CYTH4: variants seen among roughly 807,000 people sequenced by gnomAD.
The protein encoded by CYTH4 is cytohesin 4.
CYTH4 carries 22 observed loss-of-function variants against 57.5 expected under a neutral mutation model. The observed-to-expected ratio is 0.38, with a 90% CI of 0.27 to 0.55. The LOEUF (loss-of-function observed/expected upper bound fraction) is 0.55. Among genes scored for constraint, CYTH4 ranks in the 20% least tolerant of loss-of-function variants. CYTH4 has a pLI of 0.74. For synonymous variants in CYTH4, 186 were observed against 206.5 expected (o/e 0.90, Z 0.85); for missense variants, 420 against 535.6 (o/e 0.78, Z 2.13).
In CYTH4 at chr22:37,303,414, G is replaced by A. The variant is rs553131134; in HGVS notation, c.696+12G>A. Reference sequence around the variant, plus strand: ...AGGACCAGCTGCGGGTGAGAGAGGCGCAGCCCACCCAGCCTGGCCCCGGGG... The same window carrying A: ...AGGACCAGCTGCGGGTGAGAGAGGCACAGCCCACCCAGCCTGGCCCCGGGG... On this transcript the variant is annotated intron_variant, in intron 8 of 12. Transcript: ENST00000248901. 8.7e-6 allele frequency: 14 copies of A among 1,610,556 alleles called. No homozygotes were observed. Among genetic ancestry groups the A allele is most frequent in the African/African-American group, 5.3e-5 (4 of 74,778 alleles).
intron 8 of CYTH4, among the ~76,000 whole-genome samples, chr22:37,308,390 CAG>C (rs1470935097): frequency 6.7e-6 from 1 of 150,248 alleles, no homozygotes; most frequent in Admixed American, 6.6e-5. Flanking sequence ...TGTATATTGT[CAG>C]TGTGCATGCA....
chr22:37,284,641 C>T (rs918470288), intron 1 of CYTH4, among the ~76,000 whole-genome samples: 3 of 152,112 alleles, frequency 2.0e-5, no homozygotes, highest in African/African-American at 4.8e-5. Flanking sequence ...GGGAGTTAGC[C>T]GGACCTCGCT....
chr22:37,284,073 G>A (rs559824278), intron 1 of CYTH4, among the ~76,000 whole-genome samples: 2 of 152,332 alleles, frequency 1.3e-5, no homozygotes, highest in African/African-American at 4.8e-5. Flanking sequence ...CCAGTCAGCA[G>A]CAGAGCAGGG....
chr22:37,311,368 A>G lies in CYTH4; in HGVS notation c.886-88A>G. On this transcript the variant is annotated intron_variant, in intron 10 of 12. Coordinates refer to ENST00000248901, the MANE Select transcript of CYTH4 (RefSeq NM_013385.5). The surrounding 1 kb of genome is among the most constrained non-coding windows in gnomAD (Gnocchi z 4.4). ...CGGAAGATGAGCACGCTCCTCTTTG[A>G]GTTTGGGGAACCCCACACGTTCACA... 1 of 1,178,134 alleles carries G rather than the reference A, an allele frequency of 8.5e-7. No homozygotes were observed. 73.0% of individuals were successfully genotyped at this position (1,178,134 alleles called of 1,614,324 possible).
intron 4 of CYTH4, 94 bp downstream of exon 4, chr22:37,296,159 C>G: frequency 7.7e-7 from 1 of 1,294,026 alleles, no homozygotes; most frequent in Non-Finnish European, 1.1e-6. Flanking sequence ...TGACACGACC[C>G]CTTTCCAGAG....
intron 3 of CYTH4, 106 bp downstream of exon 3, chr22:37,294,830 A>C (rs1222878986): frequency 1.5e-6 from 2 of 1,367,426 alleles, no homozygotes; most frequent in Non-Finnish European, 2.1e-6. Context: ...GGACCTGGTG[A>C]AATCAGGGAT....
intron 1 of CYTH4, among the ~76,000 whole-genome samples, chr22:37,290,915 C>G (rs1210488005): frequency 6.6e-6 from 1 of 152,176 alleles, no homozygotes; most frequent in Non-Finnish European, 1.5e-5. Context: ...AGCTGTGAGC[C>G]ATCAGCAGGC....
chr22:37,297,476 T>C (rs1445218304), intron 4 of CYTH4, 88 bp from the exon 5 acceptor site: 2 of 1,176,990 alleles, frequency 1.7e-6, no homozygotes, highest in Non-Finnish European at 2.5e-6. Flanking sequence ...GCTCCAGGAT[T>C]CTGGCCATGG....
intron 8 of CYTH4, 72 bp downstream of exon 8, chr22:37,303,474 C>T (rs1020810480): frequency 1.4e-4 from 206 of 1,520,136 alleles, no homozygotes; most frequent in African/African-American, 1.2e-3. Context: ...ATGGATGGCC[C>T]GGGAGGGGCT....
chr22:37,303,519 C>A, intron 8 of CYTH4, 117 bp downstream of exon 8: 1 of 1,347,560 alleles, frequency 7.4e-7, no homozygotes, highest in South Asian at 1.5e-5. Context: ...GGGGACTCTG[C>A]TGATATGGCC....
chr22:37,306,283 AAC>A (rs1929391996), intron 8 of CYTH4, among the ~76,000 whole-genome samples: 1 of 152,222 alleles, frequency 6.6e-6, no homozygotes, highest in Non-Finnish European at 1.5e-5. Flanking sequence ...CAGGCAGAGT[AAC>A]AGTCTCCCAG....
intron 1 of CYTH4, among the ~76,000 whole-genome samples, chr22:37,284,613 C>A (rs1928482318): frequency 6.6e-6 from 1 of 152,160 alleles, no homozygotes; most frequent in Non-Finnish European, 1.5e-5. Flanking sequence ...CCTGGCCTGG[C>A]CTGGGGAAGC....
chr22:37,284,077 A>G (rs1158411046), intron 1 of CYTH4, among the ~76,000 whole-genome samples: 2 of 152,194 alleles, frequency 1.3e-5, no homozygotes, highest in African/African-American at 4.8e-5. Flanking sequence ...TCAGCAGCAG[A>G]GCAGGGACGA....
intron 5 of CYTH4, 161 bp downstream of exon 5, chr22:37,297,843 C>T: frequency 1.7e-6 from 1 of 604,864 alleles, no homozygotes. Context: ...GAGTCAAAGC[C>T]TGACTGCCTT....
chr22:37,292,477 G>C lies in CYTH4; in HGVS notation c.20-144G>C, dbSNP rs1054602231. ...AGCAGGGGCTGCTTTAGACAGGGCA[G>C]TCAGGGGAGGCTTCCTGGAGGAGGT... is the stretch of plus-strand genomic sequence containing the variant. On this transcript the variant is annotated intron_variant, in intron 1 of 12. Coordinates refer to ENST00000248901, the MANE Select transcript of CYTH4 (RefSeq NM_013385.5). 9 of 744,932 alleles carry C rather than the reference G, an allele frequency of 1.2e-5. No individual in the cohort carries two copies. The Admixed American group carries it at 2.0e-4, about 16-fold the overall frequency. 46.1% of individuals were successfully genotyped at this position (744,932 alleles called of 1,614,324 possible).
intron 8 of CYTH4, among the ~76,000 whole-genome samples, chr22:37,306,809 G>A (rs529934653): frequency 2.4e-4 from 37 of 152,302 alleles, no homozygotes; most frequent in African/African-American, 7.7e-4. Context: ...CGGCCTTCCC[G>A]TGCCCTCACA....
At chr22:37,304,923 G>T (rs1352759634) in intron 8 of CYTH4, among the ~76,000 whole-genome samples, 1 of 152,178 alleles carries the variant, frequency 6.6e-6, no homozygotes, top group African/African-American at 2.4e-5. Context: ...TATAATACCT[G>T]CCTCCTGCGT....
chr22:37,298,372 CA>C lies in CYTH4; in HGVS notation c.353+701del, dbSNP rs55679846. The C allele has an allele frequency of 1.9e-3, 259 of 135,464 alleles. No individual in the cohort carries two copies. The highest frequency in any genetic ancestry group is 7.6e-3 in the South Asian group (35 of 4,630). The allele number at this position is 135,464 out of a possible 1,614,324, so 8.4% of individuals were successfully genotyped here. On this transcript the variant is annotated intron_variant, in intron 5 of 12. Transcript: ENST00000248901. This position sits in a 1 kb window ranked among gnomAD's most constrained non-coding sequence, Gnocchi z 4.1. ...ACAGATTGAGAACGAGACTCCGTCTCAAAAAAAAAAAGAAAAGAAAAGAAAA... is the reference window on the plus strand; with the variant it reads ...ACAGATTGAGAACGAGACTCCGTCTCAAAAAAAAAAGAAAAGAAAAGAAAA...
At chr22:37,310,063 G>C (rs1325524967) in intron 9 of CYTH4, 3 of 462,716 alleles carry the variant, frequency 6.5e-6, no homozygotes, top group Non-Finnish European at 9.0e-6. Context: ...TTGAAGCAGG[G>C]GTCTCAACCT....
Sources: allele counts gnomAD v4.1 joint callset (sites outside exome capture counted in the v4.1 genomes callset), GRCh38; gene constraint gnomAD v4.1.1; non-coding constraint Gnocchi (gnomAD v3.1); transcripts MANE v1.5; gene names NCBI Gene and HGNC (gene_info 2026-07-23, HGNC 2026-07-21).